The following KCTD1 variants were observed in gnomAD, a reference collection of about 807,000 sequenced individuals.
KCTD1 encodes the protein potassium channel tetramerization domain containing 1.
Under a neutral mutation model 66.0 loss-of-function variants are expected in KCTD1, and 24 were observed. The ratio of observed to expected loss-of-function variants is 0.36; its 90% CI spans 0.26 to 0.51. KCTD1 has a LOEUF of 0.51. Ranked by LOEUF, KCTD1 falls within the 20% of genes least tolerant of loss-of-function variation. The pLI, the probability that KCTD1 is intolerant of heterozygous loss-of-function variation, is 0.95. For missense variants in KCTD1, 943 were observed against 1,205.2 expected, an observed-to-expected ratio of 0.78 and a Z score of 3.22; for synonymous variants, 511 against 517.2, an observed-to-expected ratio of 0.99 and a Z score of 0.16.
intron 1 of KCTD1, among the ~76,000 whole-genome samples, chr18:26,564,191 T>A (rs1471771693): frequency 6.6e-6 from 1 of 152,160 alleles, no homozygotes; most frequent in Non-Finnish European, 1.5e-5. Flanking sequence ...ACTGGGATGC[T>A]AACTCAGACT....
intron 1 of KCTD1, among the ~76,000 whole-genome samples, chr18:26,605,800 A>T (rs1394201410): frequency 1.3e-5 from 2 of 150,800 alleles, no homozygotes; most frequent in South Asian, 2.1e-4. Context: ...TGGTAGATCG[A>T]TTACAAAAAT....
chr18:26,633,370 TA>T (rs1453735860), upstream of KCTD1, among the ~76,000 whole-genome samples: 1 of 151,986 alleles, frequency 6.6e-6, no homozygotes, highest in Non-Finnish European at 1.5e-5. Context: ...CAAATTATCA[TA>T]AAAGGAGGCT....
intron 3 of KCTD1, among the ~76,000 whole-genome samples, chr18:26,467,702 C>T (rs538030976): frequency 6.6e-6 from 1 of 151,518 alleles, no homozygotes; most frequent in South Asian, 2.1e-4. Flanking sequence ...GTAATCCCAG[C>T]TACTTGGGAG....
intron 3 of KCTD1, among the ~76,000 whole-genome samples, chr18:26,474,859 T>C (rs1398943593): frequency 6.6e-6 from 1 of 152,230 alleles, no homozygotes; most frequent in Non-Finnish European, 1.5e-5. Flanking sequence ...TTTCTTTGTA[T>C]TTTTTCATAA....
At chr18:26,542,680 G>A (rs537173215) in intron 1 of KCTD1, among the ~76,000 whole-genome samples, 1 of 152,290 alleles carries the variant, frequency 6.6e-6, no homozygotes, top group South Asian at 2.1e-4. Context: ...AATGACAAGA[G>A]GGTGGCCTTT....
intron 1 of KCTD1, among the ~76,000 whole-genome samples, chr18:26,530,876 A>C (rs1984403484): frequency 6.6e-6 from 1 of 152,238 alleles, no homozygotes; most frequent in African/African-American, 2.4e-5. Context: ...TTTTCAAACA[A>C]GGGTAAAATA....
At chr18:26,473,418 G>A (rs1004830972) in intron 3 of KCTD1, among the ~76,000 whole-genome samples, 9 of 152,038 alleles carry the variant, frequency 5.9e-5, no homozygotes, top group African/African-American at 1.9e-4. Flanking sequence ...GCAGGGATAG[G>A]GGGAGGGAGA....
chr18:26,481,315 G>T (rs1981636487), intron 2 of KCTD1, among the ~76,000 whole-genome samples: 1 of 152,220 alleles, frequency 6.6e-6, no homozygotes, highest in Admixed American at 6.5e-5. Context: ...TGGCAGGGAA[G>T]AAAGAGAAAG....
intron 1 of KCTD1, among the ~76,000 whole-genome samples, chr18:26,577,571 A>C (rs1986254184): frequency 6.6e-6 from 1 of 151,406 alleles, no homozygotes; most frequent in Non-Finnish European, 1.5e-5. Flanking sequence ...TTTTTAGACA[A>C]GTTTTTGCTC....
At chr18:26,522,862 A>G (rs1983979049) in intron 1 of KCTD1, among the ~76,000 whole-genome samples, 1 of 152,140 alleles carries the variant, frequency 6.6e-6, no homozygotes, top group Non-Finnish European at 1.5e-5. Flanking sequence ...AGGCTTACAG[A>G]GGGTTCAGTA....
rs569914601 is a variant in KCTD1 at position 26,636,584 on chromosome 18, G to A, written c.-107+3727C>T. 1.7e-3 allele frequency among the ~76,000 whole-genome samples: 253 copies of A among 152,230 alleles called. 1 individual carries two copies. Among genetic ancestry groups the A allele is most frequent in the Non-Finnish European group, 3.1e-3 (208 of 68,000 alleles). The stretch of plus-strand genomic sequence containing the variant: ...ATTGGGTTGGGGAAAAAGTAATCGC[G>A]GTTCTTCTTATTACTTTCAATGGCA... On this transcript the variant is annotated intron_variant, in intron 1 of 5. Coordinates refer to the KCTD1 transcript ENST00000579973.
At chr18:26,504,565 G>C (rs1443431096) in intron 1 of KCTD1, among the ~76,000 whole-genome samples, 1 of 152,020 alleles carries the variant, frequency 6.6e-6, no homozygotes, top group Non-Finnish European at 1.5e-5. Flanking sequence ...AGAGACAAGG[G>C]TCTCACTGTG....
At chr18:26,607,632 G>A (rs1003234634) in intron 1 of KCTD1, among the ~76,000 whole-genome samples, 6 of 152,114 alleles carry the variant, frequency 3.9e-5, no homozygotes, top group Non-Finnish European at 5.9e-5. Context: ...TCACATATTG[G>A]AGGATGTGTT....
chr18:26,527,495 G>C (rs1000970719), intron 1 of KCTD1, among the ~76,000 whole-genome samples: 4 of 149,236 alleles, frequency 2.7e-5, no homozygotes, highest in Admixed American at 1.3e-4. Context: ...AAAAAAAAGG[G>C]GGGGGGGCGT....
intron 1 of KCTD1, among the ~76,000 whole-genome samples, chr18:26,577,725 GTTTT>G (rs372315881): frequency 6.7e-6 from 1 of 150,118 alleles, no homozygotes; most frequent in African/African-American, 2.5e-5. Flanking sequence ...AGTTTTTAGT[GTTTT>G]TTTTTGTTTG....
chr18:26,542,596 C>T (rs746557074), intron 1 of KCTD1, among the ~76,000 whole-genome samples: 1 of 152,196 alleles, frequency 6.6e-6, no homozygotes, highest in Admixed American at 6.5e-5. Flanking sequence ...CCTGGATGAT[C>T]ATCCAAGTGG....
intron 1 of KCTD1, among the ~76,000 whole-genome samples, chr18:26,560,049 A>G (rs1306494577): frequency 1.3e-5 from 2 of 151,964 alleles, no homozygotes; most frequent in Non-Finnish European, 2.9e-5. Flanking sequence ...AACATTGGCT[A>G]TATCTTAGAA....
rs563112250 is a variant in KCTD1, at chr18:26,601,532, T to C, written c.-16+27615A>G. Among the ~76,000 whole-genome samples the C allele has an allele frequency of 1.5e-4, 23 of 152,234 alleles. No individual in the cohort carries two copies. The South Asian group carries it at 4.1e-3, about 27-fold the overall frequency. On this transcript the variant is annotated intron_variant, in intron 1 of 4. Coordinates refer to the KCTD1 transcript ENST00000317932. Reference sequence around the variant, plus strand: ...TGAGTATTCCAACTTTGTTCTTCCTTTTCAAGATGTGATGCAACAAACACA... The same window carrying C: ...TGAGTATTCCAACTTTGTTCTTCCTCTTCAAGATGTGATGCAACAAACACA...
chr18:26,517,393 C>T (rs778880545), intron 1 of KCTD1, among the ~76,000 whole-genome samples: 4 of 152,228 alleles, frequency 2.6e-5, no homozygotes, highest in Middle Eastern at 6.8e-3. Context: ...TGGTGGCTCA[C>T]GCCTGTAATC....
Sources: gnomAD v4.1 joint callset for allele counts (sites outside exome capture counted in the v4.1 genomes callset) on GRCh38, gnomAD v4.1.1 for gene constraint, MANE v1.5 for transcripts, NCBI Gene and HGNC (gene_info 2026-07-23, HGNC 2026-07-21) for gene names.